LRRTM4: variants seen among roughly 807,000 people sequenced by gnomAD.
The protein encoded by LRRTM4 is leucine rich repeat transmembrane neuronal 4, also known as leucine-rich repeat transmembrane neuronal protein 4.
In LRRTM4, 25 loss-of-function variants were observed where a neutral mutation model predicts 47.6. The observed-to-expected ratio is 0.53, with a 90% confidence interval of 0.38 to 0.73. The LOEUF (loss-of-function observed/expected upper bound fraction) is 0.73, where lower values mean the gene tolerates loss of function less well. Ranked by LOEUF, LRRTM4 falls within the 30% of genes least tolerant of loss-of-function variation. LRRTM4 has a pLI of 0.00. For synonymous variants in LRRTM4, 311 were observed against 269.5 expected, an observed-to-expected ratio of 1.15 and a Z score of -1.51; for missense variants, 638 against 713.4, an observed-to-expected ratio of 0.89 and a Z score of 1.20.
At chr2:77,321,098 A>G (rs566021226) in intron 3 of LRRTM4, among the ~76,000 whole-genome samples, 1 of 152,234 alleles carries the variant, frequency 6.6e-6, no homozygotes, top group Non-Finnish European at 1.5e-5. Context: ...AAGAATATTC[A>G]AGTAAACTCA....
At chr2:76,960,763 C>T (rs867400306) in intron 3 of LRRTM4, among the ~76,000 whole-genome samples, 21 of 151,452 alleles carry the variant, frequency 1.4e-4, no homozygotes, top group Non-Finnish European at 2.5e-4. Context: ...TAAATAAAAA[C>T]TGTAAGCCTT....
chr2:77,135,241 C>A (rs1363539480), intron 3 of LRRTM4, among the ~76,000 whole-genome samples: 1 of 152,180 alleles, frequency 6.6e-6, no homozygotes, highest in African/African-American at 2.4e-5. Context: ...TTAAATGACT[C>A]CAGAGGGTTC....
At chr2:76,774,426 G>A (rs1175070189) in intron 3 of LRRTM4, among the ~76,000 whole-genome samples, 2 of 152,044 alleles carry the variant, frequency 1.3e-5, no homozygotes, top group East Asian at 1.9e-4. Context: ...TCCTGACCTC[G>A]TGATCTGCCT....
At chr2:77,036,468 C>T (rs1010939676) in intron 3 of LRRTM4, among the ~76,000 whole-genome samples, 24 of 151,632 alleles carry the variant, frequency 1.6e-4, no homozygotes, top group Admixed American at 4.0e-4. Flanking sequence ...GATATCTCAT[C>T]CTTTACAGAA....
intron 3 of LRRTM4, among the ~76,000 whole-genome samples, chr2:77,038,840 G>A (rs746977085): frequency 6.6e-6 from 1 of 151,306 alleles, no homozygotes; most frequent in Non-Finnish European, 1.5e-5. Context: ...ATCTAATGTT[G>A]CATTTTATTT....
intron 3 of LRRTM4, among the ~76,000 whole-genome samples, chr2:76,834,123 C>T (rs889840341): frequency 6.6e-6 from 1 of 151,680 alleles, no homozygotes; most frequent in Admixed American, 6.6e-5. Context: ...TCACTGCAAC[C>T]TCTCCCTCCC....
intron 3 of LRRTM4, among the ~76,000 whole-genome samples, chr2:77,088,289 G>C (rs556255810): frequency 1.3e-5 from 2 of 152,204 alleles, no homozygotes; most frequent in South Asian, 2.1e-4. Flanking sequence ...ACGCCCAGAT[G>C]GCCTGAAGTA....
intron 3 of LRRTM4, among the ~76,000 whole-genome samples, chr2:77,349,899 C>A (rs1049547330): frequency 3.9e-5 from 6 of 151,914 alleles, no homozygotes; most frequent in African/African-American, 9.7e-5. Flanking sequence ...AATATTATAC[C>A]CCTATCTTAT....
intron 3 of LRRTM4, among the ~76,000 whole-genome samples, chr2:77,006,060 G>A (rs1020981334): frequency 6.6e-6 from 1 of 152,026 alleles, no homozygotes; most frequent in African/African-American, 2.4e-5. Flanking sequence ...ACTCTTAAAT[G>A]AATACATAAA....
intron 3 of LRRTM4, among the ~76,000 whole-genome samples, chr2:76,825,809 G>C (rs184586695): frequency 4.6e-4 from 70 of 151,716 alleles, no homozygotes; most frequent in African/African-American, 1.6e-3. Flanking sequence ...AACACTAAGA[G>C]GTTAGTCAAA....
intron 3 of LRRTM4, among the ~76,000 whole-genome samples, chr2:77,429,050 T>G (rs1675242502): frequency 6.6e-6 from 1 of 152,280 alleles, no homozygotes; most frequent in Admixed American, 6.5e-5. Context: ...AAGATTTTTA[T>G]AAATAACCTA....
intron 3 of LRRTM4, among the ~76,000 whole-genome samples, chr2:77,103,667 A>ATATCTATATATATC (rs1553389713): frequency 1.4e-5 from 2 of 146,274 alleles, no homozygotes; most frequent in Admixed American, 6.8e-5. Flanking sequence ...ATATATAGAT[A>ATATCTATATATATC]TATATATCAC....
At chr2:77,393,125 C>G (rs906954179) in intron 3 of LRRTM4, among the ~76,000 whole-genome samples, 1 of 151,928 alleles carries the variant, frequency 6.6e-6, no homozygotes, top group South Asian at 2.1e-4. Flanking sequence ...TTCATCTTAT[C>G]TTGCTATCCT....
At chr2:77,457,964 A>T (rs1676624917) in intron 3 of LRRTM4, among the ~76,000 whole-genome samples, 1 of 152,178 alleles carries the variant, frequency 6.6e-6, no homozygotes, top group Admixed American at 6.6e-5. Flanking sequence ...ATTTAGAGAA[A>T]GGAAGTCAGG....
At chr2:77,355,541 T>C (rs976466423) in intron 3 of LRRTM4, among the ~76,000 whole-genome samples, 4 of 152,124 alleles carry the variant, frequency 2.6e-5, no homozygotes, top group African/African-American at 7.2e-5. Flanking sequence ...TGGAGAACAA[T>C]ACAACACTCA....
intron 3 of LRRTM4, among the ~76,000 whole-genome samples, chr2:77,377,090 G>A (rs1049175327): frequency 6.6e-6 from 1 of 151,742 alleles, no homozygotes; most frequent in Non-Finnish European, 1.5e-5. Context: ...TGCAGCTTTG[G>A]CTAGTGAAAG....
intron 3 of LRRTM4, among the ~76,000 whole-genome samples, chr2:76,932,355 T>C (rs1202217965): frequency 6.6e-6 from 1 of 152,142 alleles, no homozygotes; most frequent in African/African-American, 2.4e-5. Context: ...AATAACTCCT[T>C]GTCTCCTTCT....
intron 3 of LRRTM4, among the ~76,000 whole-genome samples, chr2:77,131,675 T>A (rs1223461048): frequency 2.0e-5 from 3 of 152,158 alleles, no homozygotes; most frequent in Non-Finnish European, 4.4e-5. Context: ...GGGGAAATTA[T>A]GGCTCAGGAC....
chr2:77,292,203 G>T (rs1299835462), intron 3 of LRRTM4, among the ~76,000 whole-genome samples: 3 of 149,900 alleles, frequency 2.0e-5, no homozygotes, highest in African/African-American at 4.9e-5. Flanking sequence ...AACAACAGGT[G>T]CTGGAGAGGA....
Sources: allele counts gnomAD v4.1 joint callset (sites outside exome capture counted in the v4.1 genomes callset), GRCh38; gene constraint gnomAD v4.1.1; transcripts MANE v1.5; gene names NCBI Gene and HGNC (gene_info 2026-07-23, HGNC 2026-07-21).